The following NSMAF variants were observed in gnomAD, a reference collection of about 807,000 sequenced individuals.
NSMAF encodes protein FAN.
A neutral mutation model predicts 134.9 loss-of-function variants in NSMAF; 90 were observed. The ratio of observed to expected loss-of-function variants is 0.67; its 90% CI spans 0.56 to 0.79. NSMAF has a LOEUF of 0.79. Ranked by LOEUF, NSMAF falls within the 30% of genes least tolerant of loss-of-function variation. The probability of loss-of-function intolerance (pLI) is 0.00; values close to 1 mark genes in which losing one functional copy is unlikely to be tolerated. For missense variants in NSMAF, 1,010 were observed against 1,119.0 expected (o/e 0.90, Z 1.39); for synonymous variants, 358 against 389.6 (o/e 0.92, Z 0.96).
In NSMAF at chr8:58,590,896, G is replaced by T; in HGVS notation, c.1990C>A (p.Leu664Ile). The T allele has an allele frequency of 6.4e-7, 1 of 1,564,478 alleles. No homozygotes were observed. Among genetic ancestry groups the T allele is most frequent in the Non-Finnish European group, 8.8e-7 (1 of 1,142,754 alleles). Residue 664 changes from leucine to isoleucine, a missense_variant, in exon 24 of 31, where the codon CTA (leucine) becomes ATA (isoleucine). By Grantham distance (5) the Leu-to-Ile change is conservative. Coordinates refer to ENST00000038176, the MANE Select transcript of NSMAF (RefSeq NM_003580.4). ...LKMFSKESKM[L>I]QRSISFSNMA... ...TTTGAAAATGATATACTTCTTTGTA[G>T]CATTTTTGATTCTTTAGAAAACATC... is the stretch of plus-strand genomic sequence containing the variant.
At chr8:58,623,095 A>G (rs948827181) in intron 9 of NSMAF, 125 bp downstream of exon 9, 37 of 724,382 alleles carry the variant, frequency 5.1e-5, no homozygotes, top group Non-Finnish European at 8.0e-5. Context: ...AGGCTGAGCC[A>G]TTCTCTAAGA....
chr8:58,629,118 C>T (rs1807000618), intron 6 of NSMAF, among the ~76,000 whole-genome samples: 1 of 152,058 alleles, frequency 6.6e-6, no homozygotes, highest in Admixed American at 6.6e-5. Context: ...TTTAAATACA[C>T]TTTCTGTTTC....
chr8:58,621,410 G>GTGCATGT lies in NSMAF; in HGVS notation c.557+1809_557+1810insACATGCA, dbSNP rs1418136363. The stretch of plus-strand genomic sequence containing the variant: ...CTATTAATATTTTGAATAGTGCTGT[G>GTGCATGT]ATAAGCCTACGTGTGCATGTATCTT... On this transcript the variant is annotated intron_variant, in intron 9 of 30. Coordinates refer to ENST00000038176, the MANE Select transcript of NSMAF (RefSeq NM_003580.4). 1.4e-3 allele frequency among the ~76,000 whole-genome samples: 209 copies of GTGCATGT among 152,202 alleles called. 1 individual carries two copies. The highest frequency in any genetic ancestry group is 4.9e-3 in the African/African-American group (205 of 41,512).
At chr8:58,645,113 T>TA (rs11337086) in intron 1 of NSMAF, among the ~76,000 whole-genome samples, 5,608 of 130,744 alleles carry the variant, frequency 0.043, 143 homozygotes, top group Non-Finnish European at 0.063. Context: ...AAAGTATAAT[T>TA]AAAAAAAAAA....
At chr8:58,596,783 C>T (rs1806144403) in intron 21 of NSMAF, among the ~76,000 whole-genome samples, 1 of 152,034 alleles carries the variant, frequency 6.6e-6, no homozygotes, top group Non-Finnish European at 1.5e-5. Flanking sequence ...CAAAAATTAG[C>T]CGGGCGTGGT....
chr8:58,659,279 CG>C, intron 1 of NSMAF: 2 of 1,514,620 alleles, frequency 1.3e-6, no homozygotes, highest in Non-Finnish European at 8.8e-7. Context: ...CCGCGGCCGC[CG>C]GGACCTGCAC....
chr8:58,648,861 C>G (rs577446510), intron 1 of NSMAF, among the ~76,000 whole-genome samples: 4 of 152,234 alleles, frequency 2.6e-5, no homozygotes, highest in African/African-American at 9.6e-5. Context: ...CGGGCAGAAG[C>G]CTGCTACAAG....
chr8:58,616,688 G>C (rs1806661201), intron 9 of NSMAF, among the ~76,000 whole-genome samples: 1 of 152,014 alleles, frequency 6.6e-6, no homozygotes, highest in Non-Finnish European at 1.5e-5. Context: ...GTAAGATCAA[G>C]AATGAGGCAA....
chr8:58,648,772 G>GTGCACAGAA (rs1807516476), intron 1 of NSMAF, among the ~76,000 whole-genome samples: 1 of 152,214 alleles, frequency 6.6e-6, no homozygotes, highest in African/African-American at 2.4e-5. Context: ...AGGTGTGCAG[G>GTGCACAGAA]TGCACAGAAT....
chr8:58,643,481 C>T (rs76548657), intron 1 of NSMAF, among the ~76,000 whole-genome samples: 4,088 of 152,044 alleles, frequency 0.027, 201 homozygotes, highest in African/African-American at 0.093. Flanking sequence ...CCAACATCTG[C>T]CTCATGGTTA....
At position 58,607,819 on chromosome 8, in the gene NSMAF, G is replaced by A; in HGVS notation, c.709C>T (p.Leu237Phe). ...GYPKPVVQIT[L>F]QDVRRIYKRR... ...TTGTAGATGCGGCGGACATCTTGGA[G>A]TGTTATCTGGACCACAGGTTTCTTT... Residue 237 changes from leucine to phenylalanine, a missense_variant, in exon 11 of 31, where the codon CTC (leucine) becomes TTC (phenylalanine). Physicochemically the swap from Leu to Phe is conservative, Grantham distance 22. Coordinates refer to ENST00000038176, the MANE Select transcript of NSMAF (RefSeq NM_003580.4). The A allele has an allele frequency of 6.2e-7, 1 of 1,614,044 alleles. No homozygotes were observed. The highest frequency in any genetic ancestry group is 8.5e-7 in the Non-Finnish European group (1 of 1,179,892).
intron 5 of NSMAF, among the ~76,000 whole-genome samples, chr8:58,632,829 C>T (rs1041417952): frequency 5.9e-5 from 9 of 152,212 alleles, no homozygotes; most frequent in Non-Finnish European, 4.4e-5. Context: ...TACTTGAAGC[C>T]TGCTCCTTCC....
intron 9 of NSMAF, among the ~76,000 whole-genome samples, chr8:58,620,512 T>G (rs1806762838): frequency 6.6e-6 from 1 of 152,138 alleles, no homozygotes. Flanking sequence ...TCTTGAAAAT[T>G]TTTATTTTAT....
chr8:58,602,569 T>A (rs2969915), intron 13 of NSMAF, among the ~76,000 whole-genome samples: 137,773 of 152,180 alleles, frequency 0.91, 62,536 homozygotes, highest in East Asian at 0.97. Context: ...AGAGAAATAC[T>A]TTATCATATT....
chr8:58,618,921 C>T lies in NSMAF; in HGVS notation c.557+4299G>A, dbSNP rs550382536. On this transcript the variant is annotated intron_variant, in intron 9 of 30. Coordinates refer to ENST00000038176, the MANE Select transcript of NSMAF (RefSeq NM_003580.4). ...TCATTTCATATGGCAAAAATCCCTT[C>T]CCCCAAATTCTTTAGCCTAACATTT... 4.6e-5 allele frequency among the ~76,000 whole-genome samples: 7 copies of T among 152,140 alleles called. No individual in the cohort carries two copies. The South Asian group carries it at 1.2e-3, about 27-fold the overall frequency.
chr8:58,591,318 G>A (rs1335568592), intron 23 of NSMAF, among the ~76,000 whole-genome samples: 1 of 151,902 alleles, frequency 6.6e-6, no homozygotes, highest in African/African-American at 2.4e-5. Context: ...AAAAGATCTT[G>A]GCAATATGTT....
At chr8:58,659,549 GC>G in intron 1 of NSMAF, 23 bp downstream of exon 1, 1 of 1,524,672 alleles carries the variant, frequency 6.6e-7, no homozygotes, top group Admixed American at 2.1e-5. Context: ...CCCCGGCTGG[GC>G]CCTTCTTCAG....
At chr8:58,659,533 C>A in intron 1 of NSMAF, 40 bp downstream of exon 1, 1 of 1,522,836 alleles carries the variant, frequency 6.6e-7, no homozygotes, top group Non-Finnish European at 8.8e-7. Flanking sequence ...CCGGCCCCGA[C>A]TAGGCCCCCG....
In NSMAF at chr8:58,602,053, C is replaced by A. The variant is rs745622911; in HGVS notation, c.1125+5G>T. On this transcript the variant is annotated splice_donor_5th_base_variant and intron_variant, in intron 14 of 30. Transcript: ENST00000038176. ...TAGAAACCAAGAATCTCTAAGTCCA[C>A]ATACCAGTAGTCTCTCCAGCCGTTC... 6.2e-7 allele frequency: 1 copy of A among 1,608,684 alleles called. No homozygotes were observed. Among genetic ancestry groups the A allele is most frequent in the South Asian group, 1.1e-5 (1 of 90,756 alleles).
Sources: gnomAD v4.1 joint callset for allele counts (sites outside exome capture counted in the v4.1 genomes callset) on GRCh38, gnomAD v4.1.1 for gene constraint, MANE v1.5 for transcripts, NCBI Gene and HGNC (gene_info 2026-07-23, HGNC 2026-07-21) for gene names.